Variants in CDCA8 observed in about 807,000 individuals in gnomAD.
CDCA8 encodes borealin.
Under a neutral mutation model 40.0 loss-of-function variants are expected in CDCA8, and 25 were observed. The ratio of observed to expected loss-of-function variants is 0.63; its 90% confidence interval spans 0.46 to 0.87. The LOEUF is 0.87. Ranked by LOEUF, CDCA8 falls within the 40% of genes least tolerant of loss-of-function variation. The pLI, the probability that CDCA8 is intolerant of heterozygous loss-of-function variation, is 0.00. For synonymous variants in CDCA8, 111 were observed against 126.5 expected, an observed-to-expected ratio of 0.88 and a Z score of 0.82; for missense variants, 280 against 348.4, an observed-to-expected ratio of 0.80 and a Z score of 1.56.
chr1:37,703,354 A>G lies in CDCA8; in HGVS notation c.584+7A>G, dbSNP rs763103952. On this transcript the variant is annotated splice_region_variant and intron_variant, in intron 7 of 9. Coordinates refer to ENST00000373055, the MANE Select transcript of CDCA8 (RefSeq NM_001256875.2). ...CACCCAGGTTTGACTCAAGGTGAGT[A>G]TCGAGGGAAACACTTGGATTTGATG... 6.3e-7 allele frequency: 1 copy of G among 1,597,492 alleles called. No homozygotes were observed. Among genetic ancestry groups the G allele is most frequent in the Non-Finnish European group, 8.6e-7 (1 of 1,164,692 alleles).
At chr1:37,702,005 G>A (rs537366079) in intron 6 of CDCA8, among the ~76,000 whole-genome samples, 187 bp downstream of exon 6, 42 of 149,198 alleles carry the variant, frequency 2.8e-4, no homozygotes, top group African/African-American at 7.4e-4. Flanking sequence ...ACCATCTCCA[G>A]TACTTTAATG....
intron 7 of CDCA8, 145 bp from the exon 8 acceptor site, chr1:37,705,296 T>C: frequency 1.5e-6 from 1 of 671,066 alleles, no homozygotes; most frequent in South Asian, 2.2e-5. Context: ...TTAAAACATT[T>C]TTTTTTTCTA....
At chr1:37,708,294 A>G (rs770434535) in intron 9 of CDCA8, 28 bp from the exon 10 acceptor site, 3 of 1,607,914 alleles carry the variant, frequency 1.9e-6, no homozygotes, top group East Asian at 2.3e-5. Flanking sequence ...GACATCTTCT[A>G]CAATGACCTC....
In CDCA8 at chr1:37,701,811, G is replaced by A. The variant is rs2148288756; in HGVS notation, c.481G>A (p.Gly161Arg). 6.2e-7 allele frequency: 1 copy of A among 1,612,648 alleles called. No individual in the cohort carries two copies. Among genetic ancestry groups the A allele is most frequent in the Non-Finnish European group, 8.5e-7 (1 of 1,178,844 alleles). Residue 161 changes from glycine to arginine, a missense_variant, in exon 6 of 10, where the codon GGG (glycine) becomes AGG (arginine). Transcript: ENST00000373055. Reference protein sequence around the residue: ...RTQSIQGKGKGKRSSRANTVT... With the variant: ...RTQSIQGKGKRKRSSRANTVT... Reference sequence around the variant, plus strand: ...TCAGTCCATACAAGGAAAAGGAAAAGGGAAAAGGTAGTGGATTTTCTAAAG... The same window carrying A: ...TCAGTCCATACAAGGAAAAGGAAAAAGGAAAAGGTAGTGGATTTTCTAAAG...
intron 7 of CDCA8, 139 bp from the exon 8 acceptor site, chr1:37,705,302 T>C: frequency 2.9e-6 from 2 of 698,900 alleles, no homozygotes; most frequent in South Asian, 4.2e-5. Context: ...CATTTTTTTT[T>C]TCTAAATTTA....
At chr1:37,704,862 G>C (rs1645588326) in intron 7 of CDCA8, among the ~76,000 whole-genome samples, 1 of 151,806 alleles carries the variant, frequency 6.6e-6, no homozygotes, top group Non-Finnish European at 1.5e-5. Context: ...TGGCCAGGCT[G>C]GTCTCGAACT....
At position 37,693,044 on chromosome 1, in the gene CDCA8, G is replaced by A. The variant is rs1462890093; in HGVS notation, c.223+11G>A. 6.2e-7 allele frequency: 1 copy of A among 1,612,928 alleles called. No homozygotes were observed. Among genetic ancestry groups the A allele is most frequent in the Admixed American group, 1.7e-5 (1 of 59,976 alleles). ...GGCTTGACTACTTCGGTAAGAGCTGGAGAGCTTCCCTGGGCGGAGGCCAGG... is the reference window on the plus strand; with the variant it reads ...GGCTTGACTACTTCGGTAAGAGCTGAAGAGCTTCCCTGGGCGGAGGCCAGG... On this transcript the variant is annotated intron_variant, in intron 2 of 9. Transcript: ENST00000373055.
At chr1:37,702,412 G>A (rs761648843) in intron 6 of CDCA8, among the ~76,000 whole-genome samples, 1 of 151,952 alleles carries the variant, frequency 6.6e-6, no homozygotes, top group Non-Finnish European at 1.5e-5. Flanking sequence ...CCTATAATTG[G>A]TTTCTTGAAA....
At position 37,708,664 on chromosome 1, in the gene CDCA8, A is replaced by C. The variant is rs192535651; in HGVS notation, c.*298A>C. The C allele has an allele frequency of 4.0e-4, 179 of 443,668 alleles. No individual in the cohort carries two copies. Among genetic ancestry groups the C allele is most frequent in the African/African-American group, 3.3e-3 (168 of 50,652 alleles). 27.5% of individuals were successfully genotyped at this position (443,668 alleles called of 1,614,324 possible). On this transcript the variant is annotated 3_prime_UTR_variant, in exon 10 of 10. Transcript: ENST00000373055. ...GAGCTGCTGCCTTTTGCCTCCTGCA[A>C]CTCAACATCCTCTTCACCCTGCCCT...
In CDCA8 at chr1:37,707,049, C is replaced by T; in HGVS notation, c.783C>T (p.Asn261=). 2 of 1,613,938 alleles carry T rather than the reference C, an allele frequency of 1.2e-6. No homozygotes were observed. The highest frequency in any genetic ancestry group is 1.7e-6 in the Non-Finnish European group (2 of 1,179,772). The stretch of plus-strand genomic sequence containing the variant: ...AGCTGGATCCAGAGGCCTTGGGAAA[C>T]ATTAAGAAGCTCTCCGTAAGTCTCA... ...IAQLDPEALG[N]IKKLSNRLAQ... The change falls in exon 9 of 10, where the codon AAC becomes AAT. Residue 261 remains asparagine, a synonymous_variant. Transcript: ENST00000373055.
At chr1:37,704,416 C>T (rs533966576) in intron 7 of CDCA8, among the ~76,000 whole-genome samples, 1 of 152,288 alleles carries the variant, frequency 6.6e-6, no homozygotes, top group African/African-American at 2.4e-5. Flanking sequence ...AAGACTGGAT[C>T]TGTGTGTGCT....
rs575195683 is a variant in CDCA8 at position 37,696,166 on chromosome 1, C to T, written c.264+216C>T. On this transcript the variant is annotated intron_variant, in intron 3 of 9. Transcript: ENST00000373055. This position sits in a 1 kb window ranked among gnomAD's most constrained non-coding sequence, Gnocchi z 5.0. The stretch of plus-strand genomic sequence containing the variant: ...TGGCAGTTCTGTTTTTGACCAATTT[C>T]TTGCAGTCCTTTGTTCTGAACTCTA... 6.6e-6 allele frequency among the ~76,000 whole-genome samples: 1 copy of T among 152,340 alleles called. No individual in the cohort carries two copies. Among genetic ancestry groups the T allele is most frequent in the East Asian group, 1.9e-4 (1 of 5,192 alleles).
chr1:37,699,556 A>C (rs925205826), intron 4 of CDCA8, among the ~76,000 whole-genome samples: 5 of 150,350 alleles, frequency 3.3e-5, no homozygotes. Flanking sequence ...ATGTAGTGAG[A>C]CCTTGTCTCT....
chr1:37,702,550 G>A (rs1448455165), intron 6 of CDCA8, among the ~76,000 whole-genome samples: 1 of 152,196 alleles, frequency 6.6e-6, no homozygotes, highest in Non-Finnish European at 1.5e-5. Flanking sequence ...GCATGTCTGT[G>A]GAGGAGCGAA....
At chr1:37,705,250 A>G (rs1305815968) in intron 7 of CDCA8, among the ~76,000 whole-genome samples, 191 bp from the exon 8 acceptor site, 1 of 151,946 alleles carries the variant, frequency 6.6e-6, no homozygotes, top group Admixed American at 6.6e-5. Context: ...AATAATTACA[A>G]CCTTCTTTCT....
At chr1:37,699,119 T>C in intron 4 of CDCA8, 142 bp downstream of exon 4, 1 of 605,594 alleles carries the variant, frequency 1.7e-6, no homozygotes. Context: ...AAAACTTGCT[T>C]TTGGATGGTG....
intron 7 of CDCA8, 67 bp downstream of exon 7, chr1:37,703,414 T>G (rs1645578582): frequency 1.6e-6 from 2 of 1,212,788 alleles, no homozygotes. Context: ...AGAGAAGGAG[T>G]GTCTAAGAAA....
chr1:37,707,058 G>T lies in CDCA8; in HGVS notation c.792G>T (p.Lys264Asn). ...CAGAGGCCTTGGGAAACATTAAGAA[G>T]CTCTCCGTAAGTCTCATATTCATCT... ...LDPEALGNIK[K>N]LSNRLAQICS... Residue 264 changes from lysine (K) to asparagine (N), a missense_variant, in exon 9 of 10, where the codon AAG (lysine) becomes AAT (asparagine). Coordinates refer to ENST00000373055, the MANE Select transcript of CDCA8 (RefSeq NM_001256875.2). 6.2e-7 allele frequency: 1 copy of T among 1,613,590 alleles called. No individual in the cohort carries two copies. Among genetic ancestry groups the T allele is most frequent in the Non-Finnish European group, 8.5e-7 (1 of 1,179,474 alleles).
At chr1:37,701,297 A>G (rs1012833210) in intron 5 of CDCA8, among the ~76,000 whole-genome samples, 1 of 152,180 alleles carries the variant, frequency 6.6e-6, no homozygotes, top group Non-Finnish European at 1.5e-5. Flanking sequence ...CAAGGAAGTT[A>G]GAGAAGCAGG....
Sources: allele counts gnomAD v4.1 joint callset (sites outside exome capture counted in the v4.1 genomes callset), GRCh38; gene constraint gnomAD v4.1.1; non-coding constraint Gnocchi (gnomAD v3.1); transcripts MANE v1.5; gene names NCBI Gene and HGNC (gene_info 2026-07-23, HGNC 2026-07-21).